The following TNRC6B variants were observed in gnomAD, a reference collection of about 807,000 sequenced individuals.
TNRC6B encodes the protein trinucleotide repeat containing adaptor 6B.
A neutral mutation model predicts 203.6 loss-of-function variants in TNRC6B; 52 were observed. That is an observed-to-expected ratio of 0.26 (90% CI 0.20 to 0.32). TNRC6B has a LOEUF of 0.32. Among genes scored for constraint, TNRC6B ranks in the 10% least tolerant of loss-of-function variants. The pLI is 1.00. For synonymous variants in TNRC6B, 838 were observed against 845.7 expected, an observed-to-expected ratio of 0.99 and a Z score of 0.16; for missense variants, 1,923 against 2,286.2, an observed-to-expected ratio of 0.84 and a Z score of 3.24.
chr22:40,268,869 C>T (rs1438630021), intron 5 of TNRC6B, among the ~76,000 whole-genome samples: 1 of 151,586 alleles, frequency 6.6e-6, no homozygotes, highest in Non-Finnish European at 1.5e-5. Context: ...GCTGAGATCA[C>T]GCCACTGCAC....
chr22:40,203,802 A>G (rs1456975993), intron 1 of TNRC6B, among the ~76,000 whole-genome samples: 4 of 152,234 alleles, frequency 2.6e-5, no homozygotes, highest in Non-Finnish European at 4.4e-5. Context: ...TTCTAGCCCC[A>G]TCTTTCTAAG....
At chr22:40,196,242 C>T (rs1362656095) in intron 1 of TNRC6B, among the ~76,000 whole-genome samples, 2 of 152,122 alleles carry the variant, frequency 1.3e-5, no homozygotes, top group Middle Eastern at 3.4e-3. Flanking sequence ...CTCAACCTAC[C>T]GGGCTCAAGC....
intron 1 of TNRC6B, among the ~76,000 whole-genome samples, chr22:40,187,329 G>A (rs1218972803): frequency 6.6e-6 from 1 of 152,146 alleles, no homozygotes; most frequent in Non-Finnish European, 1.5e-5. Context: ...GAATTTAGAA[G>A]GGTCAAATCT....
intron 11 of TNRC6B, among the ~76,000 whole-genome samples, chr22:40,281,761 T>C (rs1186123928): frequency 6.6e-6 from 1 of 152,206 alleles, no homozygotes; most frequent in African/African-American, 2.4e-5. Context: ...GTGTAAAATA[T>C]AGTAATTACC....
intron 3 of TNRC6B, among the ~76,000 whole-genome samples, chr22:40,128,571 C>T (rs1186735082): frequency 2.0e-5 from 3 of 147,076 alleles, no homozygotes; most frequent in Non-Finnish European, 2.9e-5. Flanking sequence ...TCACGGCTCA[C>T]GGCTCACAGC....
intron 12 of TNRC6B, among the ~76,000 whole-genome samples, chr22:40,289,511 T>A (rs2070839874): frequency 6.6e-6 from 1 of 152,188 alleles, no homozygotes; most frequent in Non-Finnish European, 1.5e-5. Flanking sequence ...TTACTCAGTG[T>A]ATCAGCAGCA....
At chr22:40,083,566 G>C (rs78734846) in intron 1 of TNRC6B, among the ~76,000 whole-genome samples, 2,943 of 152,200 alleles carry the variant, frequency 0.019, 45 homozygotes, top group South Asian at 0.042. Flanking sequence ...AATAATTTTT[G>C]TTTATCTTTT....
intron 2 of TNRC6B, among the ~76,000 whole-genome samples, chr22:40,120,371 G>A (rs972221141): frequency 2.6e-5 from 4 of 151,716 alleles, no homozygotes; most frequent in Non-Finnish European, 5.9e-5. Context: ...GATATTAGAA[G>A]GGTAGAGATG....
rs559812692 is a variant in TNRC6B at position 40,170,092 on chromosome 22, C to G, written c.113+13910C>G. Among the ~76,000 whole-genome samples, 5 of 150,662 alleles carry G rather than the reference C, an allele frequency of 3.3e-5. No homozygotes were observed. In the East Asian group the frequency reaches 9.9e-4, roughly 30 times the overall value. On this transcript the variant is annotated intron_variant, in intron 4 of 23. Coordinates refer to the TNRC6B transcript ENST00000301923. The stretch of plus-strand genomic sequence containing the variant: ...CCCGGGAGTTGGAGGTCAGTCTGAG[C>G]AACATGGTGAAACCCCATCTATAAA...
intron 2 of TNRC6B, among the ~76,000 whole-genome samples, chr22:40,123,271 GGGA>G (rs2068460870): frequency 6.6e-6 from 1 of 152,118 alleles, no homozygotes; most frequent in South Asian, 2.1e-4. Context: ...TTGGGGGATA[GGGA>G]GGAGGAGTCG....
chr22:40,075,137 C>CATATATATATATAT (rs200861275), intron 1 of TNRC6B, among the ~76,000 whole-genome samples: 16 of 59,788 alleles, frequency 2.7e-4, no homozygotes, highest in Middle Eastern at 9.4e-3. Flanking sequence ...TGGTTCTGTT[C>CATATATATATATAT]ATATATATAT....
chr22:40,150,757 C>G (rs2068744078), intron 3 of TNRC6B, among the ~76,000 whole-genome samples: 1 of 152,156 alleles, frequency 6.6e-6, no homozygotes, highest in African/African-American at 2.4e-5. Flanking sequence ...GAAAGCCTGA[C>G]TTATATCTGT....
chr22:40,121,052 G>C (rs1470952158), intron 2 of TNRC6B, among the ~76,000 whole-genome samples: 2 of 152,192 alleles, frequency 1.3e-5, no homozygotes, highest in African/African-American at 4.8e-5. Context: ...GGGATACAAG[G>C]CCAGGAATAT....
At chr22:40,112,195 G>GA (rs1386627318) in intron 1 of TNRC6B, among the ~76,000 whole-genome samples, 1 of 152,026 alleles carries the variant, frequency 6.6e-6, no homozygotes, top group East Asian at 1.9e-4. Context: ...AGGACAGGGA[G>GA]AAAAAAAACT....
chr22:40,228,654 G>A (rs1242732095), intron 1 of TNRC6B, among the ~76,000 whole-genome samples: 2 of 150,716 alleles, frequency 1.3e-5, no homozygotes, highest in Non-Finnish European at 3.0e-5. Context: ...CGAGTAGCTG[G>A]GACTACAGGA....
At chr22:40,158,409 A>C (rs977458811) in intron 4 of TNRC6B, among the ~76,000 whole-genome samples, 1 of 152,070 alleles carries the variant, frequency 6.6e-6, no homozygotes, top group Non-Finnish European at 1.5e-5. Flanking sequence ...TGAGGGAGAC[A>C]ATGAAAATGG....
intron 3 of TNRC6B, among the ~76,000 whole-genome samples, chr22:40,259,890 G>T (rs186365397): frequency 6.6e-5 from 10 of 152,306 alleles, no homozygotes; most frequent in East Asian, 3.9e-4. Context: ...AGAATCATCC[G>T]AACTGTCAGG....
At chr22:40,197,453 G>A (rs1001976551) in intron 1 of TNRC6B, among the ~76,000 whole-genome samples, 1 of 151,690 alleles carries the variant, frequency 6.6e-6, no homozygotes, top group African/African-American at 2.4e-5. Flanking sequence ...CACCCAGGCT[G>A]ATTTTTTGTA....
chr22:40,076,259 A>G (rs977786738), intron 1 of TNRC6B, among the ~76,000 whole-genome samples: 1 of 152,206 alleles, frequency 6.6e-6, no homozygotes, highest in African/African-American at 2.4e-5. Flanking sequence ...TCAACAAAAA[A>G]TACAAAAATT....
Sources: gnomAD v4.1 joint callset for allele counts (sites outside exome capture counted in the v4.1 genomes callset) on GRCh38, gnomAD v4.1.1 for gene constraint, MANE v1.5 for transcripts, NCBI Gene and HGNC (gene_info 2026-07-23, HGNC 2026-07-21) for gene names.